Variants in NFATC3 observed in about 807,000 individuals in gnomAD.
NFATC3 encodes nuclear factor of activated T cells 3.
Under a neutral mutation model 98.6 loss-of-function variants are expected in NFATC3, and 46 were observed. The ratio of observed to expected loss-of-function variants is 0.47; its 90% CI spans 0.37 to 0.60. The LOEUF (loss-of-function observed/expected upper bound fraction) is 0.60, where lower values mean the gene tolerates loss of function less well. NFATC3 is among the 20% of genes least tolerant of loss of function. The pLI, the probability that NFATC3 is intolerant of heterozygous loss-of-function variation, is 0.00. For synonymous variants in NFATC3, 512 were observed against 472.2 expected (o/e 1.08, Z -1.09); for missense variants, 1,256 against 1,295.5 (o/e 0.97, Z 0.47).
intron 1 of NFATC3, among the ~76,000 whole-genome samples, chr16:68,119,000 T>A (rs2036436694): frequency 1.3e-5 from 2 of 152,190 alleles, no homozygotes; most frequent in Non-Finnish European, 1.5e-5. Context: ...CCCGAGCAGC[T>A]GGGACCACAG....
chr16:68,201,332 G>A lies in NFATC3; in HGVS notation c.3106+9557G>A, dbSNP rs371810867. Among the ~76,000 whole-genome samples, 4 of 152,212 alleles carry A rather than the reference G, an allele frequency of 2.6e-5. 1 individual carries two copies. The East Asian group carries it at 5.8e-4, about 22-fold the overall frequency. ...TGCAGCCTTGACCTCCTGGGACTCA[G>A]GTGATCCTTCCACTTTAGCCCCCCA... On this transcript the variant is annotated intron_variant, in intron 9 of 9. Transcript: ENST00000346183.
chr16:68,102,374 GAAAAAAAAAAAAA>G (rs71268472), intron 1 of NFATC3, among the ~76,000 whole-genome samples: 2 of 30,894 alleles, frequency 6.5e-5, no homozygotes, highest in Non-Finnish European at 1.3e-4. Flanking sequence ...TCCATCTCAG[GAAAAAAAAAAAAA>G]AAAAAAAAAA....
chr16:68,137,414 A>G (rs2037480674), intron 3 of NFATC3, among the ~76,000 whole-genome samples: 1 of 152,126 alleles, frequency 6.6e-6, no homozygotes, highest in Non-Finnish European at 1.5e-5. Flanking sequence ...TGGGACCACC[A>G]TTATATACGG....
intron 6 of NFATC3, among the ~76,000 whole-genome samples, chr16:68,181,194 A>G (rs2039937016): frequency 6.6e-6 from 1 of 152,200 alleles, no homozygotes; most frequent in Admixed American, 6.6e-5. Context: ...AATGATCGCC[A>G]TTCTAACCGG....
chr16:68,173,604 G>A (rs570894076), intron 5 of NFATC3, among the ~76,000 whole-genome samples: 3 of 152,110 alleles, frequency 2.0e-5, no homozygotes, highest in South Asian at 2.1e-4. Context: ...TAAAAAGAAA[G>A]GCTTACTTGG....
At chr16:68,156,397 T>C (rs930990019) in intron 3 of NFATC3, among the ~76,000 whole-genome samples, 1 of 152,112 alleles carries the variant, frequency 6.6e-6, no homozygotes, top group African/African-American at 2.4e-5. Flanking sequence ...TGCAAACCGA[T>C]ATCCTTCATG....
chr16:68,221,311 G>T (rs376032951), intron 9 of NFATC3: 1 of 1,611,768 alleles, frequency 6.2e-7, no homozygotes. Flanking sequence ...AGAGCCCCCA[G>T]CCCGAGGGAG....
chr16:68,194,046 T>G (rs1242145092), intron 9 of NFATC3, among the ~76,000 whole-genome samples: 1 of 152,180 alleles, frequency 6.6e-6, no homozygotes, highest in Non-Finnish European at 1.5e-5. Context: ...CACCTAAAAT[T>G]GCATAGCATT....
At chr16:68,141,269 T>C (rs2037740723) in intron 3 of NFATC3, among the ~76,000 whole-genome samples, 2 of 152,228 alleles carry the variant, frequency 1.3e-5, no homozygotes, top group Non-Finnish European at 1.5e-5. Context: ...GAATAATGTA[T>C]GTATGCAGGT....
At chr16:68,097,387 T>C (rs1377032008) in intron 1 of NFATC3, among the ~76,000 whole-genome samples, 1 of 152,238 alleles carries the variant, frequency 6.6e-6, no homozygotes, top group Non-Finnish European at 1.5e-5. Context: ...CAGTTTTGTG[T>C]ATGTCTAGTT....
intron 1 of NFATC3, 66 bp downstream of exon 1, chr16:68,085,850 C>T: frequency 3.3e-6 from 4 of 1,222,626 alleles, no homozygotes; most frequent in Non-Finnish European, 4.3e-6. Flanking sequence ...CTCTCGCTCC[C>T]TCCCTGTTCC....
intron 9 of NFATC3, among the ~76,000 whole-genome samples, chr16:68,196,239 C>A (rs2040663833): frequency 6.6e-6 from 1 of 152,046 alleles, no homozygotes; most frequent in South Asian, 2.1e-4. Context: ...CCTTCCTCAG[C>A]CCCCCGAGTA....
chr16:68,147,361 CT>C (rs1256779124), intron 3 of NFATC3, among the ~76,000 whole-genome samples: 1 of 151,904 alleles, frequency 6.6e-6, no homozygotes, highest in African/African-American at 2.4e-5. Context: ...TTGGTTTTTT[CT>C]TTTTCTATAT....
chr16:68,197,680 T>C (rs2040733792), intron 9 of NFATC3, among the ~76,000 whole-genome samples: 1 of 152,206 alleles, frequency 6.6e-6, no homozygotes, highest in African/African-American at 2.4e-5. Context: ...TTGTTTTAAC[T>C]TTTTCATATT....
At chr16:68,164,095 A>G (rs1391923444) in intron 4 of NFATC3, among the ~76,000 whole-genome samples, 1 of 152,116 alleles carries the variant, frequency 6.6e-6, no homozygotes, top group African/African-American at 2.4e-5. Flanking sequence ...ACGCCACTGC[A>G]CTCCAGCCTA....
intron 3 of NFATC3, 26 bp downstream of exon 3, chr16:68,126,636 G>T (rs1271194753): frequency 6.2e-7 from 1 of 1,612,188 alleles, no homozygotes; most frequent in African/African-American, 1.3e-5. Flanking sequence ...GGCTTGTTTT[G>T]CAGATACCAT....
intron 1 of NFATC3, among the ~76,000 whole-genome samples, chr16:68,100,174 A>G (rs1334129073): frequency 1.3e-5 from 2 of 152,192 alleles, no homozygotes; most frequent in Admixed American, 1.3e-4. Flanking sequence ...TGCTATGAAC[A>G]TTTGTGTACA....
chr16:68,190,264 T>C (rs1270299065), intron 8 of NFATC3, among the ~76,000 whole-genome samples: 3 of 152,192 alleles, frequency 2.0e-5, no homozygotes, highest in Non-Finnish European at 2.9e-5. Flanking sequence ...AGAAGTTCTA[T>C]GAATGTCAGA....
intron 3 of NFATC3, among the ~76,000 whole-genome samples, chr16:68,134,029 T>G (rs1052194357): frequency 3.9e-5 from 6 of 152,218 alleles, no homozygotes; most frequent in Non-Finnish European, 7.3e-5. Flanking sequence ...TCCTCCACAT[T>G]GTCACCAAGT....
Sources: gnomAD v4.1 joint callset for allele counts (sites outside exome capture counted in the v4.1 genomes callset) on GRCh38, gnomAD v4.1.1 for gene constraint, MANE v1.5 for transcripts, NCBI Gene and HGNC (gene_info 2026-07-23, HGNC 2026-07-21) for gene names.